Variants in NHLRC2 observed in about 807,000 individuals in gnomAD.
The protein encoded by NHLRC2 is NHL repeat-containing protein 2.
NHLRC2 carries 33 observed loss-of-function variants against 68.1 expected under a neutral mutation model. The ratio of observed to expected loss-of-function variants is 0.48; its 90% CI spans 0.37 to 0.65. The LOEUF is 0.65. Among genes scored for constraint, NHLRC2 ranks in the 30% least tolerant of loss-of-function variants. The pLI is 0.00. For missense variants in NHLRC2, 761 were observed against 853.8 expected (o/e 0.89, Z 1.35); for synonymous variants, 311 against 309.6 (o/e 1.00, Z -0.05).
At chr10:113,873,553 A>G (rs936007487) in intron 2 of NHLRC2, among the ~76,000 whole-genome samples, 17 of 152,156 alleles carry the variant, frequency 1.1e-4, no homozygotes, top group African/African-American at 2.9e-4. Context: ...TAAGTTTACT[A>G]ACTTTTCACA....
chr10:113,893,069 C>T (rs1291263824), intron 5 of NHLRC2, among the ~76,000 whole-genome samples: 1 of 152,022 alleles, frequency 6.6e-6, no homozygotes, highest in Non-Finnish European at 1.5e-5. Context: ...AGGCAAGGGA[C>T]TAGAAAATAA....
Position 113,916,025 on chromosome 10 carries a change from A to G in NHLRC2, c.*7489A>G, listed in dbSNP as rs963751439. 6.6e-6 allele frequency: 1 copy of G among 152,244 alleles called. No individual in the cohort carries two copies. The highest frequency in any genetic ancestry group is 6.5e-5 in the Admixed American group (1 of 15,292). 9.4% of individuals were successfully genotyped at this position (152,244 alleles called of 1,614,324 possible). ...ATTAGTTGATAAATTATGCTAATTA[A>G]TGGGAAAAATAGACATGTTCCTCTC... On this transcript the variant is annotated 3_prime_UTR_variant, in exon 11 of 11. Coordinates refer to ENST00000369301, the MANE Select transcript of NHLRC2 (RefSeq NM_198514.4).
chr10:113,871,046 C>T (rs530394298), intron 2 of NHLRC2, among the ~76,000 whole-genome samples: 6 of 52,158 alleles, frequency 1.2e-4, no homozygotes, highest in South Asian at 6.6e-4. Context: ...TTTTTTGAGA[C>T]GGAGTTTTGT....
At position 113,904,794 on chromosome 10, in the gene NHLRC2, TAAC is replaced by T; in HGVS notation, c.1705-21_1705-19del. 1 of 1,544,230 alleles carries T rather than the reference TAAC, an allele frequency of 6.5e-7. No individual in the cohort carries two copies. The highest frequency in any genetic ancestry group is 2.2e-5 in the East Asian group (1 of 44,502). ...TTAATATAAAGTTCTTGTGTTTTAA[TAAC>T]AGATTTTCTTATTTCCTAGCTCCCC... On this transcript the variant is annotated intron_variant, in intron 9 of 10. Transcript: ENST00000369301.
intron 5 of NHLRC2, among the ~76,000 whole-genome samples, chr10:113,886,875 A>G (rs1846087643): frequency 6.6e-6 from 1 of 152,202 alleles, no homozygotes; most frequent in Non-Finnish European, 1.5e-5. Flanking sequence ...GACCAGTGGG[A>G]TTGCATCAAA....
intron 2 of NHLRC2, among the ~76,000 whole-genome samples, chr10:113,861,887 T>C (rs527478647): frequency 2.6e-5 from 4 of 152,194 alleles, no homozygotes; most frequent in Non-Finnish European, 5.9e-5. Flanking sequence ...ATGTATTTTT[T>C]TTTTGAGACA....
intron 2 of NHLRC2, among the ~76,000 whole-genome samples, chr10:113,864,026 G>A (rs1845840564): frequency 6.6e-6 from 1 of 152,210 alleles, no homozygotes; most frequent in African/African-American, 2.4e-5. Flanking sequence ...AATGTGGTGT[G>A]TGCATACAGT....
rs766417810 is a variant in NHLRC2 at position 113,914,973 on chromosome 10, C to A, written c.*6437C>A. 2.2e-6 allele frequency: 1 copy of A among 456,216 alleles called. No homozygotes were observed. 28.3% of individuals were successfully genotyped at this position (456,216 alleles called of 1,614,324 possible). A position where few individuals can be genotyped will look rare whatever the true frequency, so the allele number is the denominator to read the frequency against. On this transcript the variant is annotated 3_prime_UTR_variant, in exon 11 of 11. Transcript: ENST00000369301. Reference sequence around the variant, plus strand: ...CTGCCTCAGGCTTGCAGAAGGCTGCCCCAATCACAGAGCCTGGGTAAGGTG... The same window carrying A: ...CTGCCTCAGGCTTGCAGAAGGCTGCACCAATCACAGAGCCTGGGTAAGGTG...
At chr10:113,901,447 G>A (rs1846228199) in intron 6 of NHLRC2, among the ~76,000 whole-genome samples, 1 of 152,064 alleles carries the variant, frequency 6.6e-6, no homozygotes, top group Non-Finnish European at 1.5e-5. Flanking sequence ...GTGTATCAAA[G>A]TAAAGTAAGA....
In NHLRC2 at chr10:113,854,955, C is replaced by A; in HGVS notation, c.83C>A (p.Ala28Asp). 1 of 1,554,614 alleles carries A rather than the reference C, an allele frequency of 6.4e-7. No homozygotes were observed. Among genetic ancestry groups the A allele is most frequent in the Non-Finnish European group, 8.7e-7 (1 of 1,148,572 alleles). The change falls in exon 1 of 11, where the codon GCC (alanine) becomes GAC (aspartate). Residue 28 changes from alanine to aspartate, a missense_variant. Physicochemically the swap from Ala to Asp is moderately radical, Grantham distance 126. Transcript: ENST00000369301. ...TCGCTAGAGTACGCCCTGCTCGACG[C>A]CGTTACCCAGCAGGAGAAGGACAGC... ...QTSLEYALLD[A>D]VTQQEKDSLV... is the part of the protein sequence containing the mutation.
chr10:113,884,215 A>C, intron 4 of NHLRC2, 36 bp from the exon 5 acceptor site: 1 of 1,589,490 alleles, frequency 6.3e-7, no homozygotes, highest in Non-Finnish European at 8.6e-7. Flanking sequence ...CAAAAGTAAC[A>C]TTCATTGCAT....
intron 10 of NHLRC2, 86 bp from the exon 11 acceptor site, chr10:113,908,194 C>A: frequency 3.1e-6 from 3 of 981,742 alleles, no homozygotes; most frequent in Non-Finnish European, 4.6e-6. Flanking sequence ...AAATATTTGT[C>A]GATCGAGTTT....
At chr10:113,858,321 T>C (rs559922468) in intron 1 of NHLRC2, among the ~76,000 whole-genome samples, 50 of 152,196 alleles carry the variant, frequency 3.3e-4, no homozygotes, top group African/African-American at 1.1e-3. Flanking sequence ...TAAAGATATA[T>C]CTTTTATTTC....
At position 113,901,895 on chromosome 10, in the gene NHLRC2, A is replaced by C. The variant is rs1370601444; in HGVS notation, c.1369A>C (p.Met457Leu). Residue 457 changes from methionine to leucine, a missense_variant and splice_region_variant, in exon 7 of 11, where the codon ATG (methionine) becomes CTG (leucine). Met to Leu is a conservative substitution (Grantham distance 15). Coordinates refer to ENST00000369301, the MANE Select transcript of NHLRC2 (RefSeq NM_198514.4). ...KHLVGGERDP[M>L]NLFAFGDVDG... ...CCTCGTAGGAGGAGAAAGAGACCCC[A>C]TGGTAATGACAGTCACTCTTGCACA... is the stretch of plus-strand genomic sequence containing the variant. 1 of 1,602,342 alleles carries C rather than the reference A, an allele frequency of 6.2e-7. No homozygotes were observed. The highest frequency in any genetic ancestry group is 1.1e-5 in the South Asian group (1 of 90,838).
chr10:113,904,077 G>C (rs907911956), intron 9 of NHLRC2, among the ~76,000 whole-genome samples: 1 of 148,678 alleles, frequency 6.7e-6, no homozygotes, highest in South Asian at 2.1e-4. Flanking sequence ...TGTGGGTTGG[G>C]TTATTTAGCT....
In NHLRC2 at chr10:113,915,172, G is replaced by A. The variant is rs528533396; in HGVS notation, c.*6636G>A. 1.1e-4 allele frequency: 49 copies of A among 456,266 alleles called. No homozygotes were observed. The highest frequency in any genetic ancestry group is 7.0e-4 in the South Asian group (45 of 64,568). The allele number at this position is 456,266 out of a possible 1,614,324, so 28.3% of individuals were successfully genotyped here. On this transcript the variant is annotated 3_prime_UTR_variant, in exon 11 of 11. Coordinates refer to ENST00000369301, the MANE Select transcript of NHLRC2 (RefSeq NM_198514.4). ...TGTCCCTCTTCTTCACTGGCATGTC[G>A]CTTTCAAGTGTACCAAAGGACATTT...
intron 2 of NHLRC2, among the ~76,000 whole-genome samples, chr10:113,870,941 T>G (rs766443562): frequency 6.6e-6 from 1 of 152,046 alleles, no homozygotes; most frequent in Non-Finnish European, 1.5e-5. Context: ...TGCCATTATA[T>G]CCCCTAACTG....
Position 113,854,992 on chromosome 10 carries a change from G to C in NHLRC2, c.120G>C (p.Gln40His), listed in dbSNP as rs1005113346. The part of the protein sequence containing the change: ...TQQEKDSLVY[Q>H]YLQKVDGWEQ... ...AGGAGAAGGACAGCCTGGTCTACCA[G>C]TATCTGCAGAAGGTGGACGGCTGGG... The change falls in exon 1 of 11, where the codon CAG becomes CAC. Residue 40 changes from glutamine (Q) to histidine (H), a missense_variant. Coordinates refer to ENST00000369301, the MANE Select transcript of NHLRC2 (RefSeq NM_198514.4). 5 of 1,553,380 alleles carry C rather than the reference G, an allele frequency of 3.2e-6. No homozygotes were observed. In the Admixed American group the frequency reaches 9.8e-5, roughly 30 times the overall value.
intron 4 of NHLRC2, among the ~76,000 whole-genome samples, chr10:113,880,330 C>G (rs539947583): frequency 1.7e-4 from 26 of 151,642 alleles, no homozygotes; most frequent in African/African-American, 6.3e-4. Context: ...TGATGCTATG[C>G]ATACATAATG....
Sources: allele counts gnomAD v4.1 joint callset (sites outside exome capture counted in the v4.1 genomes callset), GRCh38; gene constraint gnomAD v4.1.1; transcripts MANE v1.5; gene names NCBI Gene and HGNC (gene_info 2026-07-23, HGNC 2026-07-21).